The following ANKS1B variants were observed in gnomAD, a reference collection of about 807,000 sequenced individuals.
ANKS1B encodes ankyrin repeat and sterile alpha motif domain containing 1B, also known as ankyrin repeat and sterile alpha motif domain-containing protein 1B.
In ANKS1B, 36 loss-of-function variants were observed where a neutral mutation model predicts 148.3. That is an observed-to-expected ratio of 0.24 (90% confidence interval 0.19 to 0.32). ANKS1B has a LOEUF of 0.32. ANKS1B is among the 10% of genes least tolerant of loss of function. The pLI, the probability that ANKS1B is intolerant of heterozygous loss-of-function variation, is 1.00. For synonymous variants in ANKS1B, 542 were observed against 560.8 expected, an observed-to-expected ratio of 0.97 and a Z score of 0.47; for missense variants, 1,157 against 1,542.6, an observed-to-expected ratio of 0.75 and a Z score of 4.19.
chr12:99,190,299 C>T (rs1233620215), intron 14 of ANKS1B, among the ~76,000 whole-genome samples: 3 of 152,162 alleles, frequency 2.0e-5, no homozygotes, highest in African/African-American at 7.2e-5. Flanking sequence ...CTATCCCCAT[C>T]AAGGTATCAT....
At chr12:99,254,087 A>T (rs2074973647) in intron 12 of ANKS1B, among the ~76,000 whole-genome samples, 1 of 152,214 alleles carries the variant, frequency 6.6e-6, no homozygotes, top group Non-Finnish European at 1.5e-5. Context: ...ACTAAATGCA[A>T]CGTGTGATCC....
intron 9 of ANKS1B, 108 bp downstream of exon 9, chr12:99,654,959 A>G: frequency 7.8e-7 from 1 of 1,280,906 alleles, no homozygotes; most frequent in Non-Finnish European, 1.1e-6. Flanking sequence ...CCAAAATCAC[A>G]AAGTGAACAA....
chr12:99,301,867 G>T (rs552587994), intron 12 of ANKS1B, among the ~76,000 whole-genome samples: 6 of 152,076 alleles, frequency 3.9e-5, no homozygotes, highest in Non-Finnish European at 5.9e-5. Flanking sequence ...GAGAGATTGG[G>T]GTCAAATGAG....
Position 98,745,018 on chromosome 12 carries a change from A to G in ANKS1B, c.*721T>C, listed in dbSNP as rs956218611. On this transcript the variant is annotated 3_prime_UTR_variant, in exon 27 of 27. Coordinates refer to ENST00000683438, the MANE Select transcript of ANKS1B (RefSeq NM_001352186.2). ...ACTAACCTAGTTTTCTTATCAATGC[A>G]TTAATGAAACATTCTTTTAATAAAA... The G allele has an allele frequency of 1.0e-6, 1 of 985,506 alleles. No individual in the cohort carries two copies. Among genetic ancestry groups the G allele is most frequent in the East Asian group, 1.1e-4 (1 of 8,822 alleles). The allele number at this position is 985,506 out of a possible 1,614,324, so 61.0% of individuals were successfully genotyped here. A position where few individuals can be genotyped will look rare whatever the true frequency, so the allele number is the denominator to read the frequency against.
In ANKS1B at chr12:98,962,887, C is replaced by T. The variant is rs187273655; in HGVS notation, c.2778+90270G>A. On this transcript the variant is annotated intron_variant, in intron 17 of 26. Coordinates refer to ENST00000683438, the MANE Select transcript of ANKS1B (RefSeq NM_001352186.2). ...GATTAAAAAGGAAATAAAAAAATTT[C>T]TTGAAGCAGGTAATAATGGAAACAC... 9.7e-3 allele frequency among the ~76,000 whole-genome samples: 1,481 copies of T among 152,264 alleles called. 7 individuals are homozygous for T. The highest frequency in any genetic ancestry group is 0.015 in the Non-Finnish European group (1,007 of 68,010).
chr12:99,225,837 C>A (rs2085847499), intron 14 of ANKS1B, among the ~76,000 whole-genome samples: 1 of 152,226 alleles, frequency 6.6e-6, no homozygotes, highest in South Asian at 2.1e-4. Context: ...CCTCGCTTCT[C>A]AGCTTGCAGA....
At chr12:98,773,654 C>A (rs1242024221) in intron 24 of ANKS1B, among the ~76,000 whole-genome samples, 1 of 152,192 alleles carries the variant, frequency 6.6e-6, no homozygotes, top group East Asian at 1.9e-4. Context: ...GGGGTTTACA[C>A]CATGTTGGCC....
rs141210368 is a variant in ANKS1B, at chr12:98,869,967, C to T, written c.2779-37831G>A. ...CCTGAAAACCAGAAAGTAGTCTTGT[C>T]AATAGCCAAGATCTGCCTGACTTTT... On this transcript the variant is annotated intron_variant, in intron 17 of 26. Transcript: ENST00000683438. Among the ~76,000 whole-genome samples, 56 of 152,210 alleles carry T rather than the reference C, an allele frequency of 3.7e-4. 1 individual carries two copies. The South Asian group carries it at 4.2e-3, about 11-fold the overall frequency.
At chr12:99,082,176 T>C (rs1157697419) in intron 16 of ANKS1B, among the ~76,000 whole-genome samples, 1 of 152,128 alleles carries the variant, frequency 6.6e-6, no homozygotes, top group African/African-American at 2.4e-5. Flanking sequence ...CCTGACCTTA[T>C]GGACCTTGCT....
chr12:98,842,605 A>G (rs892050004), intron 17 of ANKS1B, among the ~76,000 whole-genome samples: 6 of 152,206 alleles, frequency 3.9e-5, no homozygotes, highest in Admixed American at 2.6e-4. Context: ...TTGTTTTTGA[A>G]AAAAGAATAA....
At chr12:98,821,934 A>G (rs1437532416) in intron 19 of ANKS1B, among the ~76,000 whole-genome samples, 1 of 138,456 alleles carries the variant, frequency 7.2e-6, no homozygotes, top group Non-Finnish European at 1.5e-5. Flanking sequence ...TTTTTTTGAC[A>G]CTCTTGGAAA....
intron 12 of ANKS1B, among the ~76,000 whole-genome samples, chr12:99,301,357 C>T (rs1200802632): frequency 6.6e-6 from 1 of 152,058 alleles, no homozygotes; most frequent in African/African-American, 2.4e-5. Flanking sequence ...TTAACCATTA[C>T]ACCAGAGGAA....
chr12:98,766,982 ATTTT>A (rs11295642), intron 25 of ANKS1B, among the ~76,000 whole-genome samples: 1 of 134,936 alleles, frequency 7.4e-6, no homozygotes. Flanking sequence ...TTATTTATTA[ATTTT>A]TTTTTTTTTT....
At chr12:99,004,732 T>G (rs1403486319) in intron 17 of ANKS1B, among the ~76,000 whole-genome samples, 1 of 152,100 alleles carries the variant, frequency 6.6e-6, no homozygotes, top group Non-Finnish European at 1.5e-5. Flanking sequence ...GGCCAACATA[T>G]TGGCCATGTG....
intron 26 of ANKS1B, among the ~76,000 whole-genome samples, chr12:98,747,237 AAAAC>A (rs200151465): frequency 6.7e-6 from 1 of 149,934 alleles, no homozygotes; most frequent in East Asian, 1.9e-4. Context: ...ACAAAAATAA[AAAAC>A]AAAAACAAAA....
At chr12:99,983,422 G>A (rs1003662792) in intron 1 of ANKS1B, among the ~76,000 whole-genome samples, 29 of 152,092 alleles carry the variant, frequency 1.9e-4, no homozygotes, top group Non-Finnish European at 3.5e-4. Context: ...ACGTTAAAAG[G>A]CCTCTACCGT....
intron 9 of ANKS1B, among the ~76,000 whole-genome samples, chr12:99,557,251 C>A (rs114657629): frequency 0.011 from 1,676 of 152,238 alleles, 34 homozygotes; most frequent in African/African-American, 0.039. Context: ...TGAATGATAT[C>A]CTCAAATATA....
intron 17 of ANKS1B, among the ~76,000 whole-genome samples, chr12:98,925,569 A>T (rs1237391332): frequency 1.3e-5 from 2 of 152,202 alleles, no homozygotes; most frequent in African/African-American, 2.4e-5. Flanking sequence ...TTACTTTTTT[A>T]AAAAATGGCT....
At chr12:98,954,893 G>T (rs1197963640) in intron 17 of ANKS1B, among the ~76,000 whole-genome samples, 1 of 152,046 alleles carries the variant, frequency 6.6e-6, no homozygotes, top group South Asian at 2.1e-4. Context: ...TAATGCTCAG[G>T]ACATAGAGCT....
Sources: gnomAD v4.1 joint callset for allele counts (sites outside exome capture counted in the v4.1 genomes callset) on GRCh38, gnomAD v4.1.1 for gene constraint, MANE v1.5 for transcripts, NCBI Gene and HGNC (gene_info 2026-07-23, HGNC 2026-07-21) for gene names.